The following GRAMD1B variants were observed in gnomAD, a reference collection of about 807,000 sequenced individuals.
GRAMD1B encodes GRAM domain containing 1B, also known as protein Aster-B.
A neutral mutation model predicts 99.7 loss-of-function variants in GRAMD1B; 37 were observed. That is an observed-to-expected ratio of 0.37 (90% confidence interval 0.29 to 0.49). The LOEUF is 0.49. Ranked by LOEUF, GRAMD1B falls within the 20% of genes least tolerant of loss-of-function variation. The pLI is 0.98. For synonymous variants in GRAMD1B, 427 were observed against 387.6 expected, an observed-to-expected ratio of 1.10 and a Z score of -1.19; for missense variants, 888 against 1,009.2, an observed-to-expected ratio of 0.88 and a Z score of 1.63.
chr11:123,561,941 G>C (rs1428966789), intron 2 of GRAMD1B, among the ~76,000 whole-genome samples: 2 of 152,204 alleles, frequency 1.3e-5, no homozygotes, highest in Non-Finnish European at 2.9e-5. Context: ...GTGAGGATTG[G>C]GGGTGGGTAG....
At chr11:123,504,753 C>G (rs1940250567) in intron 2 of GRAMD1B, among the ~76,000 whole-genome samples, 1 of 152,200 alleles carries the variant, frequency 6.6e-6, no homozygotes, top group Non-Finnish European at 1.5e-5. Context: ...GCAATCCCGG[C>G]TCACTGCAAC....
intron 1 of GRAMD1B, among the ~76,000 whole-genome samples, chr11:123,446,234 C>T (rs550428973): frequency 1.3e-5 from 2 of 152,156 alleles, no homozygotes; most frequent in African/African-American, 2.4e-5. Flanking sequence ...GGCATGATCT[C>T]GGCTCACTAC....
At chr11:123,425,497 G>A (rs886437761), upstream of GRAMD1B, among the ~76,000 whole-genome samples, 1 of 152,120 alleles carries the variant, frequency 6.6e-6, no homozygotes, top group Non-Finnish European at 1.5e-5. Flanking sequence ...CTTCTTTGAC[G>A]CCTAAGCCTT....
chr11:123,480,288 C>A (rs1166079318), intron 1 of GRAMD1B, among the ~76,000 whole-genome samples: 1 of 152,138 alleles, frequency 6.6e-6, no homozygotes, highest in Non-Finnish European at 1.5e-5. Context: ...TAAGTGACCC[C>A]AGACCCCATC....
At chr11:123,606,847 G>C (rs749537119) in intron 11 of GRAMD1B, 49 bp downstream of exon 11, 18 of 1,435,036 alleles carry the variant, frequency 1.3e-5, no homozygotes, top group Non-Finnish European at 1.6e-5. Flanking sequence ...TGTTTTGAAG[G>C]CTAAAAGGAG....
chr11:123,513,605 C>CTTTCTTTCTTTCTTTCTCT (rs1555050188), intron 2 of GRAMD1B, among the ~76,000 whole-genome samples: 1 of 31,772 alleles, frequency 3.1e-5, no homozygotes, highest in African/African-American at 7.5e-5. Flanking sequence ...TTCCTTCCTT[C>CTTTCTTTCTTTCTTTCTCT]CTTCCTTCCT....
rs1348757671 is a variant in GRAMD1B, at chr11:123,526,211, T to C, written c.452+45318T>C. The C allele has an allele frequency of 3.1e-6, 5 of 1,588,044 alleles. No homozygotes were observed. In the South Asian group the frequency reaches 5.6e-5, roughly 18 times the overall value. On this transcript the variant is annotated intron_variant, in intron 2 of 19. Transcript: ENST00000635736. ...GATAGGGCACCTTCCTCTTCTGCCT[T>C]TCTTCAGCCCTGTGCTCGCCCCAGC...
chr11:123,605,577 A>G lies in GRAMD1B; in HGVS notation c.1323+99A>G, dbSNP rs939433859. 3.2e-6 allele frequency: 3 copies of G among 943,896 alleles called. No homozygotes were observed. The African/African-American group carries it at 5.0e-5, about 16-fold the overall frequency. The allele number at this position is 943,896 out of a possible 1,614,324, so 58.5% of individuals were successfully genotyped here. The stretch of plus-strand genomic sequence containing the variant: ...CCAATCTGGGGAGCAGGTAGAGAGG[A>G]GATTGGTTACATTGTTGTCAGTTTC... On this transcript the variant is annotated intron_variant, in intron 10 of 19. Coordinates refer to ENST00000635736, the MANE Select transcript of GRAMD1B (RefSeq NM_001387025.1).
intron 1 of GRAMD1B, among the ~76,000 whole-genome samples, chr11:123,455,040 T>C (rs953148838): frequency 6.6e-6 from 1 of 152,212 alleles, no homozygotes; most frequent in Non-Finnish European, 1.5e-5. Context: ...TTTGTGATGT[T>C]TTATCCCCAT....
At chr11:123,621,543 G>A (rs1955110801) in intron 19 of GRAMD1B, among the ~76,000 whole-genome samples, 1 of 152,216 alleles carries the variant, frequency 6.6e-6, no homozygotes, top group African/African-American at 2.4e-5. Flanking sequence ...TGAGTGTGCT[G>A]TGTGAGAGAC....
intron 10 of GRAMD1B, among the ~76,000 whole-genome samples, chr11:123,606,097 A>G (rs904835609): frequency 6.6e-6 from 1 of 152,202 alleles, no homozygotes; most frequent in Non-Finnish European, 1.5e-5. Context: ...TCAGTAGGCT[A>G]TGGATCAGAC....
chr11:123,569,247 G>A (rs1414784788), intron 2 of GRAMD1B, among the ~76,000 whole-genome samples: 1 of 152,178 alleles, frequency 6.6e-6, no homozygotes, highest in Non-Finnish European at 1.5e-5. Context: ...AGTAAAAGGA[G>A]CTGAGACCAG....
intron 2 of GRAMD1B, among the ~76,000 whole-genome samples, chr11:123,530,019 G>T (rs1226758216): frequency 6.6e-6 from 1 of 152,154 alleles, no homozygotes; most frequent in East Asian, 1.9e-4. Context: ...TATAGTTCTT[G>T]ACAGAGAGCA....
At chr11:123,409,261 T>C (rs1947957621) in intron 1 of GRAMD1B, among the ~76,000 whole-genome samples, 1 of 152,214 alleles carries the variant, frequency 6.6e-6, no homozygotes, top group Admixed American at 6.5e-5. Context: ...ATGCAAATTG[T>C]ATAATTTCTC....
chr11:123,627,305 C>CA lies in GRAMD1B; in HGVS notation c.*4714dup, dbSNP rs1215086020. 3.3e-5 allele frequency: 5 copies of CA among 152,314 alleles called. No individual in the cohort carries two copies. The highest frequency in any genetic ancestry group is 1.2e-4 in the African/African-American group (5 of 41,464). 9.4% of individuals were successfully genotyped at this position (152,314 alleles called of 1,614,324 possible). A position where few individuals can be genotyped will look rare whatever the true frequency, so the allele number is the denominator to read the frequency against. ...GTGCCACGTGCTGAGATTGCATAGT[C>CA]AAAACAGCCATTTTTGCCAACAATA... is the stretch of plus-strand genomic sequence containing the variant. On this transcript the variant is annotated 3_prime_UTR_variant, in exon 20 of 20. Coordinates refer to ENST00000635736, the MANE Select transcript of GRAMD1B (RefSeq NM_001387025.1).
upstream of GRAMD1B, among the ~76,000 whole-genome samples, chr11:123,426,171 C>G (rs1282171657): frequency 7.9e-5 from 12 of 152,168 alleles, no homozygotes; most frequent in Non-Finnish European, 1.5e-5. Context: ...AAGAAACAAT[C>G]TGGGTCTTAG....
intron 2 of GRAMD1B, among the ~76,000 whole-genome samples, chr11:123,504,376 T>C (rs1940205804): frequency 6.6e-6 from 1 of 152,228 alleles, no homozygotes; most frequent in Non-Finnish European, 1.5e-5. Context: ...TGTGCAGTAC[T>C]AGAGATGACT....
intron 2 of GRAMD1B, among the ~76,000 whole-genome samples, chr11:123,521,395 A>G (rs1162238406): frequency 1.3e-5 from 2 of 151,994 alleles, no homozygotes; most frequent in Admixed American, 6.5e-5. Context: ...TCTTTTTCTC[A>G]TTGGTTTGTA....
At chr11:123,513,875 C>T (rs775630968) in intron 2 of GRAMD1B, among the ~76,000 whole-genome samples, 82 of 151,850 alleles carry the variant, frequency 5.4e-4, no homozygotes, top group Non-Finnish European at 9.7e-4. Flanking sequence ...AGGCTGGTCT[C>T]GAACTCCTGG....
Sources: gnomAD v4.1 joint callset for allele counts (sites outside exome capture counted in the v4.1 genomes callset) on GRCh38, gnomAD v4.1.1 for gene constraint, MANE v1.5 for transcripts, NCBI Gene and HGNC (gene_info 2026-07-23, HGNC 2026-07-21) for gene names.